Variants in RGL1 observed in about 807,000 individuals in gnomAD.
The protein encoded by RGL1 is ral guanine nucleotide dissociation stimulator like 1, also known as ral guanine nucleotide dissociation stimulator-like 1.
RGL1 carries 24 observed loss-of-function variants against 95.2 expected under a neutral mutation model. The observed-to-expected ratio is 0.25, with a 90% CI of 0.18 to 0.35. The LOEUF (loss-of-function observed/expected upper bound fraction) is 0.35, where lower values mean the gene tolerates loss of function less well. RGL1 is among the 10% of genes least tolerant of loss of function. RGL1 has a pLI of 1.00. For synonymous variants in RGL1, 329 were observed against 344.9 expected, an observed-to-expected ratio of 0.95 and a Z score of 0.51; for missense variants, 715 against 936.3, an observed-to-expected ratio of 0.76 and a Z score of 3.08.
At chr1:183,878,552 A>G (rs1666651751) in intron 4 of RGL1, among the ~76,000 whole-genome samples, 1 of 152,230 alleles carries the variant, frequency 6.6e-6, no homozygotes, top group South Asian at 2.1e-4. Context: ...CTAGAAGGAT[A>G]TATTCTAACA....
At chr1:183,662,710 A>G (rs937894180) in intron 1 of RGL1, among the ~76,000 whole-genome samples, 1 of 152,182 alleles carries the variant, frequency 6.6e-6, no homozygotes, top group Non-Finnish European at 1.5e-5. Context: ...GGAAAAAACT[A>G]CTTTAAAGTT....
chr1:183,876,986 C>T (rs984828491), intron 4 of RGL1, among the ~76,000 whole-genome samples: 2 of 152,190 alleles, frequency 1.3e-5, no homozygotes, highest in African/African-American at 4.8e-5. Flanking sequence ...TCCTTATTGA[C>T]ATTATATCAT....
At chr1:183,900,517 T>G (rs1364470917) in intron 11 of RGL1, among the ~76,000 whole-genome samples, 1 of 152,192 alleles carries the variant, frequency 6.6e-6, no homozygotes, top group Non-Finnish European at 1.5e-5. Flanking sequence ...TATTATTATT[T>G]TTTTGAGATG....
chr1:183,841,005 C>T, intron 2 of RGL1, among the ~76,000 whole-genome samples: 1 of 152,122 alleles, frequency 6.6e-6, no homozygotes, highest in East Asian at 1.9e-4. Context: ...TGTCTTGCCT[C>T]TCTCTCCACC....
intron 4 of RGL1, among the ~76,000 whole-genome samples, chr1:183,878,884 T>C (rs1284014526): frequency 6.6e-6 from 1 of 152,202 alleles, no homozygotes; most frequent in African/African-American, 2.4e-5. Flanking sequence ...ATCATAAGAG[T>C]ATCTTTTCAC....
At chr1:183,865,957 T>C (rs1349416359) in intron 3 of RGL1, 39 bp from the exon 4 acceptor site, 2 of 1,442,584 alleles carry the variant, frequency 1.4e-6, no homozygotes, top group African/African-American at 2.8e-5. Flanking sequence ...CCAACACCAC[T>C]GACTGTTTTT....
rs142586700 is a variant in RGL1, at chr1:183,648,519, G to C, written c.-33+12018G>C. ...TGATTCTGGATGGATATAATTCCCA[G>C]TGCAACTGCTAGCATGGCCCTTTTG... On this transcript the variant is annotated intron_variant, in intron 1 of 18. Coordinates refer to the RGL1 transcript ENST00000304685. 2.1e-4 allele frequency: 339 copies of C among 1,614,168 alleles called. No individual in the cohort carries two copies. The African/African-American group carries it at 4.2e-3, about 20-fold the overall frequency.
intron 1 of RGL1, among the ~76,000 whole-genome samples, chr1:183,670,123 G>A (rs1652341743): frequency 1.3e-5 from 2 of 152,110 alleles, no homozygotes; most frequent in African/African-American, 2.4e-5. Flanking sequence ...CTTCATCACT[G>A]TTTCTCTGTC....
At chr1:183,781,045 G>A (rs1659877033) in intron 2 of RGL1, among the ~76,000 whole-genome samples, 1 of 152,136 alleles carries the variant, frequency 6.6e-6, no homozygotes. Context: ...TGGCCAGAGG[G>A]ATGGGGCAGG....
chr1:183,709,120 G>A (rs1397150052), intron 1 of RGL1, among the ~76,000 whole-genome samples: 1 of 152,124 alleles, frequency 6.6e-6, no homozygotes, highest in Non-Finnish European at 1.5e-5. Flanking sequence ...GTACCCGGAC[G>A]GCCTCTCTCT....
At chr1:183,697,408 A>C (rs1226755291) in intron 1 of RGL1, among the ~76,000 whole-genome samples, 1 of 152,058 alleles carries the variant, frequency 6.6e-6, no homozygotes, top group Non-Finnish European at 1.5e-5. Context: ...ACTAGTGTGC[A>C]GTTTCCTCAA....
intron 1 of RGL1, among the ~76,000 whole-genome samples, chr1:183,726,635 T>TA (rs1162571302): frequency 1.3e-5 from 2 of 152,054 alleles, no homozygotes. Flanking sequence ...AATCTTTCCA[T>TA]AAAAAAATGT....
intron 17 of RGL1, among the ~76,000 whole-genome samples, chr1:183,924,680 C>T (rs2102766304): frequency 6.6e-6 from 1 of 152,098 alleles, no homozygotes; most frequent in East Asian, 1.9e-4. Flanking sequence ...CATGGTGGCT[C>T]ACGCCTGTAA....
intron 2 of RGL1, among the ~76,000 whole-genome samples, chr1:183,766,813 C>A (rs570992365): frequency 9.9e-5 from 15 of 151,302 alleles, no homozygotes; most frequent in Admixed American, 3.9e-4. Flanking sequence ...TGAGGCTTGA[C>A]AAAGGTAGCT....
At chr1:183,919,835 C>CAGT (rs1459581101) in intron 16 of RGL1, among the ~76,000 whole-genome samples, 1 of 152,188 alleles carries the variant, frequency 6.6e-6, no homozygotes, top group Non-Finnish European at 1.5e-5. Context: ...ACCGCGCATT[C>CAGT]AGTACAGCAG....
At chr1:183,924,789 C>T (rs982044525) in intron 17 of RGL1, among the ~76,000 whole-genome samples, 3 of 95,638 alleles carry the variant, frequency 3.1e-5, no homozygotes, top group Admixed American at 1.0e-4. Context: ...ACTAAAAATA[C>T]AAAAAAATAC....
intron 9 of RGL1, among the ~76,000 whole-genome samples, chr1:183,895,363 A>T (rs932210227): frequency 3.3e-5 from 5 of 152,114 alleles, no homozygotes; most frequent in Non-Finnish European, 7.4e-5. Context: ...AGAAAAGGTG[A>T]GACTTAAGCA....
At chr1:183,801,045 A>ACCC (rs1660957384), upstream of RGL1, among the ~76,000 whole-genome samples, 2 of 49,582 alleles carry the variant, frequency 4.0e-5, no homozygotes, top group South Asian at 9.3e-4. Flanking sequence ...TTTTTTGAGG[A>ACCC]ACCATACTGT....
At chr1:183,873,476 G>A (rs1302979909) in intron 4 of RGL1, among the ~76,000 whole-genome samples, 1 of 152,188 alleles carries the variant, frequency 6.6e-6, no homozygotes, top group East Asian at 1.9e-4. Context: ...GATCAGGCAG[G>A]TGGTTAAGTG....
Sources: allele counts gnomAD v4.1 joint callset (sites outside exome capture counted in the v4.1 genomes callset), GRCh38; gene constraint gnomAD v4.1.1; transcripts MANE v1.5; gene names NCBI Gene and HGNC (gene_info 2026-07-23, HGNC 2026-07-21).